Variants in CORIN observed in about 807,000 individuals in gnomAD.
CORIN encodes the protein corin, serine peptidase.
A neutral mutation model predicts 125.3 loss-of-function variants in CORIN; 117 were observed. The ratio of observed to expected loss-of-function variants is 0.93; its 90% CI spans 0.80 to 1.09. CORIN has a LOEUF of 1.09. Ranked by LOEUF, CORIN falls within the 50% of genes least tolerant of loss-of-function variation. The pLI, the probability that CORIN is intolerant of heterozygous loss-of-function variation, is 0.00. For synonymous variants in CORIN, 450 were observed against 466.4 expected (o/e 0.96, Z 0.45); for missense variants, 1,253 against 1,306.7 (o/e 0.96, Z 0.63).
intron 5 of CORIN, among the ~76,000 whole-genome samples, chr4:47,715,976 A>C (rs2109786581): frequency 6.6e-6 from 1 of 152,314 alleles, no homozygotes; most frequent in South Asian, 2.1e-4. Flanking sequence ...TTTCCTCCCT[A>C]AGAGAAAGGG....
intron 13 of CORIN, among the ~76,000 whole-genome samples, chr4:47,648,115 A>G (rs1723569358): frequency 6.6e-6 from 1 of 152,180 alleles, no homozygotes; most frequent in African/African-American, 2.4e-5. Context: ...TTAAGAAGAA[A>G]CCACTTTCTT....
chr4:47,722,577 T>G (rs1727399281), intron 5 of CORIN, among the ~76,000 whole-genome samples: 1 of 152,222 alleles, frequency 6.6e-6, no homozygotes. Context: ...AAGATATTGT[T>G]CCTGAAGGAA....
rs1304854209 is a variant in CORIN, at chr4:47,596,537, AT to A, written c.2947-635del. Among the ~76,000 whole-genome samples, 4 of 152,318 alleles carry A rather than the reference AT, an allele frequency of 2.6e-5. No homozygotes were observed. In the East Asian group the frequency reaches 7.7e-4, roughly 29 times the overall value. On this transcript the variant is annotated intron_variant, in intron 21 of 21. Coordinates refer to ENST00000273857, the MANE Select transcript of CORIN (RefSeq NM_006587.4). Reference sequence around the variant, plus strand: ...ATATATAGGGATTTTCATTCATGATATTTAAGGATTCCAGTTGAACTATATT... The same window carrying A: ...ATATATAGGGATTTTCATTCATGATATTAAGGATTCCAGTTGAACTATATT...
intron 1 of CORIN, among the ~76,000 whole-genome samples, chr4:47,830,832 A>C (rs1732952075): frequency 6.6e-6 from 1 of 152,200 alleles, no homozygotes; most frequent in South Asian, 2.1e-4. Flanking sequence ...ACTTCAGCAG[A>C]ATGACACTTT....
Position 47,623,726 on chromosome 4 carries a change from A to T in CORIN, c.2385T>A (p.Ala795=), listed in dbSNP as rs1477814050. 12 of 1,614,218 alleles carry T rather than the reference A, an allele frequency of 7.4e-6. No individual in the cohort carries two copies. The highest frequency in any genetic ancestry group is 9.3e-6 in the Non-Finnish European group (11 of 1,180,026). Residue 795 remains alanine, a synonymous_variant, in exon 19 of 22, where the codon GCT becomes GCA. Coordinates refer to ENST00000273857, the MANE Select transcript of CORIN (RefSeq NM_006587.4). ...CTKQDCGRRP[A]ARMNKRILGG... ...CAAGGATCCTTTTGTTCATTCGGGC[A>T]GCAGGGCGGCGCCCACAGTCTACCA...
At chr4:47,800,367 G>A (rs775916338) in intron 2 of CORIN, among the ~76,000 whole-genome samples, 13 of 152,074 alleles carry the variant, frequency 8.5e-5, no homozygotes, top group Non-Finnish European at 1.6e-4. Flanking sequence ...AAGCACAGAC[G>A]TACTTAAATG....
chr4:47,598,808 C>T (rs1262630364), intron 21 of CORIN, among the ~76,000 whole-genome samples: 6 of 152,032 alleles, frequency 3.9e-5, no homozygotes, highest in Non-Finnish European at 5.9e-5. Flanking sequence ...TATTAGAAAG[C>T]GTTTTGCAGA....
chr4:47,643,650 TAA>T (rs1356726179), intron 14 of CORIN, among the ~76,000 whole-genome samples: 1 of 152,094 alleles, frequency 6.6e-6, no homozygotes, highest in Non-Finnish European at 1.5e-5. Flanking sequence ...AGATGCATAA[TAA>T]GTTTTTTTTT....
chr4:47,599,460 C>T (rs1395814189), intron 21 of CORIN, among the ~76,000 whole-genome samples: 1 of 97,262 alleles, frequency 1.0e-5, no homozygotes, highest in Non-Finnish European at 2.3e-5. Context: ...ATTAAAGGTG[C>T]TTCACAGCAG....
At chr4:47,746,384 C>A (rs1577885504) in intron 4 of CORIN, among the ~76,000 whole-genome samples, 1 of 152,246 alleles carries the variant, frequency 6.6e-6, no homozygotes, top group Non-Finnish European at 1.5e-5. Context: ...GAAAGAAGCA[C>A]AGACAAATAA....
At chr4:47,821,682 GA>G (rs1316164958) in intron 1 of CORIN, among the ~76,000 whole-genome samples, 1 of 152,010 alleles carries the variant, frequency 6.6e-6, no homozygotes, top group Non-Finnish European at 1.5e-5. Context: ...TCCCAAGCAA[GA>G]AAATATTTTT....
chr4:47,674,585 G>C (rs1724928590), intron 9 of CORIN, 85 bp from the exon 10 acceptor site: 2 of 837,462 alleles, frequency 2.4e-6, no homozygotes, highest in African/African-American at 3.4e-5. Context: ...ATGTCTGATG[G>C]AGCTGAGGAA....
intron 4 of CORIN, among the ~76,000 whole-genome samples, chr4:47,761,604 C>T (rs1221518878): frequency 1.3e-5 from 2 of 151,912 alleles, no homozygotes; most frequent in African/African-American, 4.8e-5. Context: ...CGTTAAGTGG[C>T]GTAAGTCAGG....
chr4:47,812,118 A>G (rs1197912826), intron 1 of CORIN, among the ~76,000 whole-genome samples: 1 of 152,220 alleles, frequency 6.6e-6, no homozygotes, highest in African/African-American at 2.4e-5. Flanking sequence ...ATTAGCAGAC[A>G]AAACTATTTG....
intron 5 of CORIN, among the ~76,000 whole-genome samples, chr4:47,694,624 ATAGAGAAAAG>A (rs1430015085): frequency 6.6e-6 from 1 of 152,178 alleles, no homozygotes; most frequent in Non-Finnish European, 1.5e-5. Context: ...AGCAATAGAA[ATAGAGAAAAG>A]TACAGGCTGA....
At chr4:47,814,505 A>T (rs570247954) in intron 1 of CORIN, among the ~76,000 whole-genome samples, 115 of 152,294 alleles carry the variant, frequency 7.6e-4, no homozygotes, top group African/African-American at 2.7e-3. Context: ...CTCTGTTCTT[A>T]AGAAATTATG....
intron 2 of CORIN, among the ~76,000 whole-genome samples, chr4:47,800,294 A>T (rs1262611176): frequency 6.6e-6 from 1 of 151,968 alleles, no homozygotes; most frequent in Non-Finnish European, 1.5e-5. Flanking sequence ...AATTAATTAA[A>T]TTAATAAGAA....
At chr4:47,816,301 A>G (rs1246982327) in intron 1 of CORIN, among the ~76,000 whole-genome samples, 10 of 152,192 alleles carry the variant, frequency 6.6e-5, no homozygotes, top group Admixed American at 6.5e-4. Context: ...CAAACTTAAC[A>G]TTCATCATAT....
intron 5 of CORIN, among the ~76,000 whole-genome samples, chr4:47,729,328 A>G (rs1260885624): frequency 6.6e-6 from 1 of 152,228 alleles, no homozygotes; most frequent in African/African-American, 2.4e-5. Context: ...TCACTACCCA[A>G]TAATGACAGC....
Sources: gnomAD v4.1 joint callset for allele counts (sites outside exome capture counted in the v4.1 genomes callset) on GRCh38, gnomAD v4.1.1 for gene constraint, MANE v1.5 for transcripts, NCBI Gene and HGNC (gene_info 2026-07-23, HGNC 2026-07-21) for gene names.